MAST4: variants seen among roughly 807,000 people sequenced by gnomAD.
The protein encoded by MAST4 is microtubule-associated serine/threonine-protein kinase 4.
In MAST4, 89 loss-of-function variants were observed where a neutral mutation model predicts 162.7. That is an observed-to-expected ratio of 0.55 (90% CI 0.46 to 0.65). MAST4 has a LOEUF of 0.65. Ranked by LOEUF, MAST4 falls within the 30% of genes least tolerant of loss-of-function variation. The pLI is 0.00. For synonymous variants in MAST4, 1,479 were observed against 1,361.1 expected (o/e 1.09, Z -1.91); for missense variants, 3,153 against 3,374.0 (o/e 0.93, Z 1.62).
chr5:67,064,790 T>C (rs1289699829), intron 5 of MAST4, among the ~76,000 whole-genome samples: 1 of 152,112 alleles, frequency 6.6e-6, no homozygotes, highest in Non-Finnish European at 1.5e-5. Context: ...AAAATCGACA[T>C]TGGGAATTCT....
intron 4 of MAST4, among the ~76,000 whole-genome samples, chr5:66,917,925 C>T (rs910458910): frequency 2.6e-5 from 4 of 152,052 alleles, no homozygotes; most frequent in South Asian, 2.1e-4. Flanking sequence ...GGCGTTTTAT[C>T]GTAAATGCTT....
Position 67,164,702 on chromosome 5 carries a change from A to G in MAST4, c.5523A>G (p.Pro1841=). ...PSGDVRASVP[P]VLPSSSGKKN... is the part of the protein sequence containing the mutation. ...GTGACGTGAGGGCCTCTGTGCCACC[A>G]GTTCTCCCCAGCAGCAGTGGGAAAA... The change falls in exon 29 of 29, where the codon CCA becomes CCG. Residue 1841 remains proline (P), a synonymous_variant. Transcript: ENST00000403625. The surrounding 1 kb of genome is among the most constrained non-coding windows in gnomAD (Gnocchi z 5.3). 6.2e-7 allele frequency: 1 copy of G among 1,613,834 alleles called. No homozygotes were observed. The highest frequency in any genetic ancestry group is 1.1e-5 in the South Asian group (1 of 91,080).
intron 4 of MAST4, among the ~76,000 whole-genome samples, chr5:66,969,830 G>A (rs372159423): frequency 1.1e-3 from 163 of 152,218 alleles, no homozygotes; most frequent in African/African-American, 3.8e-3. Context: ...TACAATGAGA[G>A]GTCCCATTTG....
Position 66,929,383 on chromosome 5 carries a change from G to A in MAST4, c.674+29401G>A, listed in dbSNP as rs149264731. On this transcript the variant is annotated intron_variant, in intron 4 of 28. Coordinates refer to ENST00000403625, the MANE Select transcript of MAST4 (RefSeq NM_001164664.2). Reference sequence around the variant, plus strand: ...ACCATCTGATTGGGTAGTGCCTGCCGACATTGAGAGAAAATCTTCTTCACT... The same window carrying A: ...ACCATCTGATTGGGTAGTGCCTGCCAACATTGAGAGAAAATCTTCTTCACT... Among the ~76,000 whole-genome samples, 394 of 152,198 alleles carry A rather than the reference G, an allele frequency of 2.6e-3. 2 individuals are homozygous for A. The highest frequency in any genetic ancestry group is 0.013 in the South Asian group (65 of 4,822).
chr5:66,986,740 G>C (rs1295045459), intron 4 of MAST4, among the ~76,000 whole-genome samples: 1 of 151,570 alleles, frequency 6.6e-6, no homozygotes, highest in Non-Finnish European at 1.5e-5. Flanking sequence ...CCCACTTCCT[G>C]AGTAGCTGGG....
chr5:67,037,056 A>G (rs1756109077), intron 4 of MAST4, among the ~76,000 whole-genome samples: 1 of 152,154 alleles, frequency 6.6e-6, no homozygotes, highest in African/African-American at 2.4e-5. Context: ...AACCTGCCAC[A>G]TAAAAGAGGT....
At chr5:66,788,607 C>CCAACCAAA in intron 2 of MAST4, 63 bp from the exon 3 acceptor site, 5 of 1,373,716 alleles carry the variant, frequency 3.6e-6, no homozygotes, top group Non-Finnish European at 5.1e-6. Context: ...CCCCCACCCC[C>CCAACCAAA]ATTGCAATAA....
intron 1 of MAST4, among the ~76,000 whole-genome samples, chr5:66,671,366 G>C (rs1004588772): frequency 6.6e-6 from 1 of 152,110 alleles, no homozygotes; most frequent in African/African-American, 2.4e-5. Flanking sequence ...GTGTGAAGAG[G>C]GTACAAGAGT....
chr5:66,980,569 A>G (rs1748668550), intron 4 of MAST4, among the ~76,000 whole-genome samples: 1 of 152,212 alleles, frequency 6.6e-6, no homozygotes, highest in Admixed American at 6.5e-5. Context: ...ATCTTTCGTG[A>G]AATGGCTGAT....
chr5:66,741,253 C>A (rs969714950), intron 1 of MAST4, among the ~76,000 whole-genome samples: 1 of 152,176 alleles, frequency 6.6e-6, no homozygotes, highest in East Asian at 1.9e-4. Flanking sequence ...AACCCTCATT[C>A]TTTGTCGCAT....
rs1332209056 is a variant in MAST4 at position 67,095,611 on chromosome 5, G to GCTGGTC, written c.849_854dup (p.Trp284_Ser285dup). 1 of 1,608,456 alleles carries GCTGGTC rather than the reference G, an allele frequency of 6.2e-7. No individual in the cohort carries two copies. ...TTTCTCAATAGGACTGATGGACGCC[G>GCTGGTC]CTGGTCGTTGGCTTCTCTCCCTTCC... is the stretch of plus-strand genomic sequence containing the variant. On this transcript the variant is annotated inframe_insertion, in exon 7 of 29. Coordinates refer to ENST00000403625, the MANE Select transcript of MAST4 (RefSeq NM_001164664.2).
intron 3 of MAST4, among the ~76,000 whole-genome samples, chr5:66,894,234 A>C (rs1762539281): frequency 6.6e-6 from 1 of 152,190 alleles, no homozygotes; most frequent in Non-Finnish European, 1.5e-5. Context: ...TCTAATAAAC[A>C]ACATACACAA....
At chr5:67,153,414 A>G in intron 25 of MAST4, 44 bp from the exon 26 acceptor site, 2 of 1,574,634 alleles carry the variant, frequency 1.3e-6, no homozygotes, top group Non-Finnish European at 1.7e-6. Context: ...GTGTTAGAGT[A>G]GTCATTTGTT....
chr5:66,750,628 C>G (rs188943997), intron 1 of MAST4, among the ~76,000 whole-genome samples: 2,152 of 152,338 alleles, frequency 0.014, 56 homozygotes, highest in African/African-American at 0.049. Flanking sequence ...TATCCCGCAC[C>G]TGGCTCTGAG....
chr5:67,130,487 C>T, intron 15 of MAST4, 69 bp downstream of exon 15: 1 of 1,510,560 alleles, frequency 6.6e-7, no homozygotes, highest in Non-Finnish European at 9.1e-7. Context: ...TTGAAGCTGT[C>T]TGTATTTGTG....
chr5:66,956,074 C>T (rs1251504578), intron 4 of MAST4, among the ~76,000 whole-genome samples: 1 of 151,996 alleles, frequency 6.6e-6, no homozygotes, highest in Non-Finnish European at 1.5e-5. Flanking sequence ...CCTCCCACCT[C>T]AGCCTCCCAA....
At chr5:66,717,020 C>T (rs1750884908) in intron 1 of MAST4, among the ~76,000 whole-genome samples, 1 of 152,198 alleles carries the variant, frequency 6.6e-6, no homozygotes, top group Admixed American at 6.5e-5. Flanking sequence ...GAGACCAGCG[C>T]TTCTGATCCC....
chr5:66,942,277 C>T (rs941019828), intron 4 of MAST4, among the ~76,000 whole-genome samples: 2 of 152,118 alleles, frequency 1.3e-5, no homozygotes, highest in African/African-American at 2.4e-5. Context: ...TTAGCTTTCA[C>T]AACATATTCT....
chr5:66,849,511 C>T (rs1759144882), intron 3 of MAST4, among the ~76,000 whole-genome samples: 1 of 152,134 alleles, frequency 6.6e-6, no homozygotes, highest in Non-Finnish European at 1.5e-5. Context: ...ACTCCATCTC[C>T]TCCTTTCCTG....
Sources: gnomAD v4.1 joint callset for allele counts (sites outside exome capture counted in the v4.1 genomes callset) on GRCh38, gnomAD v4.1.1 for gene constraint, Gnocchi (gnomAD v3.1) non-coding constraint, MANE v1.5 for transcripts, NCBI Gene and HGNC (gene_info 2026-07-23, HGNC 2026-07-21) for gene names.